The following CEP128 variants were observed in gnomAD, a reference collection of about 807,000 sequenced individuals.
The protein encoded by CEP128 is centrosomal protein 128kDa.
Under a neutral mutation model 156.7 loss-of-function variants are expected in CEP128, and 132 were observed. The observed-to-expected ratio is 0.84, with a 90% CI of 0.73 to 0.97. The LOEUF (loss-of-function observed/expected upper bound fraction) is 0.97, where lower values mean the gene tolerates loss of function less well. Ranked by LOEUF, CEP128 falls within the 50% of genes least tolerant of loss-of-function variation. The probability of loss-of-function intolerance (pLI) is 0.00; values close to 1 mark genes in which losing one functional copy is unlikely to be tolerated. For synonymous variants in CEP128, 469 were observed against 448.9 expected (o/e 1.04, Z -0.57); for missense variants, 1,252 against 1,281.9 (o/e 0.98, Z 0.36).
At chr14:80,876,056 A>G (rs1888265864) in intron 8 of CEP128, among the ~76,000 whole-genome samples, 1 of 152,178 alleles carries the variant, frequency 6.6e-6, no homozygotes, top group South Asian at 2.1e-4. Flanking sequence ...AGAAATGAGC[A>G]TAAGAGACAA....
intron 19 of CEP128, among the ~76,000 whole-genome samples, chr14:80,720,366 T>C (rs1488890590): frequency 6.6e-6 from 1 of 152,080 alleles, no homozygotes; most frequent in African/African-American, 2.4e-5. Flanking sequence ...ACAAAATGAA[T>C]ACTGCAAGCT....
intron 19 of CEP128, among the ~76,000 whole-genome samples, chr14:80,627,883 T>C (rs576955125): frequency 6.6e-6 from 1 of 152,148 alleles, no homozygotes; most frequent in African/African-American, 2.4e-5. Flanking sequence ...GGCTATAAAA[T>C]GAAAGTCCCA....
At chr14:80,646,089 G>A (rs1229382913) in intron 19 of CEP128, among the ~76,000 whole-genome samples, 3 of 152,058 alleles carry the variant, frequency 2.0e-5, no homozygotes, top group Non-Finnish European at 2.9e-5. Context: ...GGATTTTTAG[G>A]GCAGTGAAAC....
At chr14:80,491,382 G>C (rs1380944750) in intron 6 of CEP128, among the ~76,000 whole-genome samples, 4 of 152,080 alleles carry the variant, frequency 2.6e-5, no homozygotes, top group Non-Finnish European at 5.9e-5. Context: ...TGCCTCGTTA[G>C]AACTGTTGCA....
At chr14:80,729,058 G>GTGGGTGT (rs1344457542) in intron 19 of CEP128, among the ~76,000 whole-genome samples, 4 of 105,024 alleles carry the variant, frequency 3.8e-5, no homozygotes, top group African/African-American at 1.0e-4. Context: ...GGCTGGTGGG[G>GTGGGTGT]GTGTGTGTGT....
chr14:80,579,628 T>C (rs920308999), intron 20 of CEP128, among the ~76,000 whole-genome samples: 4 of 152,194 alleles, frequency 2.6e-5, no homozygotes, highest in African/African-American at 9.6e-5. Flanking sequence ...CAGTCTTGCC[T>C]TGTAGCTCCA....
rs755419657 is a variant in CEP128, at chr14:80,742,986, G to T, written c.2806+89C>A. 3.4e-5 allele frequency: 36 copies of T among 1,062,012 alleles called. 1 individual carries two copies. The Admixed American group carries it at 3.4e-4, about 10-fold the overall frequency. 65.8% of individuals were successfully genotyped at this position (1,062,012 alleles called of 1,614,324 possible). A position where few individuals can be genotyped will look rare whatever the true frequency, so the allele number is the denominator to read the frequency against. Reference sequence around the variant, plus strand: ...ATGGGCTTGGAAATAGTCCAAAGGGGATGCAACAGAAGTAGGTTTTTTTCC... The same window carrying T: ...ATGGGCTTGGAAATAGTCCAAAGGGTATGCAACAGAAGTAGGTTTTTTTCC... On this transcript the variant is annotated intron_variant, in intron 19 of 24. Coordinates refer to ENST00000555265, the MANE Select transcript of CEP128 (RefSeq NM_152446.5).
intron 19 of CEP128, among the ~76,000 whole-genome samples, chr14:80,700,050 C>A (rs1393206402): frequency 7.7e-6 from 1 of 129,150 alleles, no homozygotes; most frequent in Non-Finnish European, 1.7e-5. Context: ...ATACTGAAAC[C>A]TAAGTCCTCC....
In CEP128 at chr14:80,911,696, T is replaced by C. The variant is rs1436749349; in HGVS notation, c.234+2626A>G. ...TTATTTTGTGGATGAAATAAGATGA[T>C]CTATGTAAAATAATTAGAACAATGC... On this transcript the variant is annotated intron_variant, in intron 4 of 24. Coordinates refer to ENST00000555265, the MANE Select transcript of CEP128 (RefSeq NM_152446.5). 2.0e-5 allele frequency among the ~76,000 whole-genome samples: 3 copies of C among 152,176 alleles called. No homozygotes were observed. The East Asian group carries it at 5.8e-4, about 29-fold the overall frequency.
intron 19 of CEP128, among the ~76,000 whole-genome samples, chr14:80,691,676 A>G (rs1368862849): frequency 1.3e-5 from 2 of 152,224 alleles, no homozygotes; most frequent in African/African-American, 4.8e-5. Flanking sequence ...TAAAGGGCCA[A>G]TGGACTAACT....
chr14:80,531,796 G>A (rs1889237773), intron 21 of CEP128, among the ~76,000 whole-genome samples: 1 of 152,134 alleles, frequency 6.6e-6, no homozygotes, highest in African/African-American at 2.4e-5. Context: ...GAAGTTAGTG[G>A]CCCCTCAATA....
At chr14:80,543,571 A>G (rs937695265) in intron 21 of CEP128, among the ~76,000 whole-genome samples, 53 of 152,362 alleles carry the variant, frequency 3.5e-4, no homozygotes, top group African/African-American at 1.2e-3. Flanking sequence ...TGAATCTTCA[A>G]CCACTGGCTG....
At chr14:80,891,302 C>T (rs1052046386) in intron 8 of CEP128, among the ~76,000 whole-genome samples, 12 of 152,014 alleles carry the variant, frequency 7.9e-5, no homozygotes, top group African/African-American at 2.7e-4. Flanking sequence ...TGGAAACAAT[C>T]TAAGTGTCCA....
intron 2 of CEP128, among the ~76,000 whole-genome samples, chr14:80,921,939 G>A (rs538879901): frequency 1.3e-5 from 2 of 150,934 alleles, no homozygotes; most frequent in South Asian, 4.2e-4. Flanking sequence ...CTCCAGCTGG[G>A]GCGACAACCG....
At chr14:80,586,466 G>A (rs1262626748) in intron 19 of CEP128, among the ~76,000 whole-genome samples, 1 of 152,196 alleles carries the variant, frequency 6.6e-6, no homozygotes, top group Admixed American at 6.5e-5. Context: ...AATTGGACCA[G>A]GGTCCAGTAC....
chr14:80,626,926 C>T (rs1039139298), intron 19 of CEP128, among the ~76,000 whole-genome samples: 2 of 152,176 alleles, frequency 1.3e-5, no homozygotes, highest in Admixed American at 6.5e-5. Context: ...AGCAGGACTT[C>T]GTCCCCCCAT....
At chr14:80,889,311 G>A (rs573994265) in intron 8 of CEP128, among the ~76,000 whole-genome samples, 2 of 152,134 alleles carry the variant, frequency 1.3e-5, no homozygotes, top group Non-Finnish European at 2.9e-5. Flanking sequence ...AAAAGAGCCT[G>A]CATAGCCAAA....
At chr14:80,880,938 T>C (rs557486515) in intron 8 of CEP128, among the ~76,000 whole-genome samples, 12 of 143,470 alleles carry the variant, frequency 8.4e-5, no homozygotes, top group Non-Finnish European at 1.5e-4. Flanking sequence ...AATCAACACA[T>C]AGAAATTACT....
intron 19 of CEP128, among the ~76,000 whole-genome samples, chr14:80,642,818 C>T (rs535330584): frequency 1.6e-4 from 25 of 151,658 alleles, no homozygotes; most frequent in African/African-American, 4.6e-4. Context: ...TGCGGCGGCG[C>T]GACCTCAGCT....
Sources: gnomAD v4.1 joint callset for allele counts (sites outside exome capture counted in the v4.1 genomes callset) on GRCh38, gnomAD v4.1.1 for gene constraint, MANE v1.5 for transcripts, NCBI Gene and HGNC (gene_info 2026-07-23, HGNC 2026-07-21) for gene names.